DPP10: variants seen among roughly 807,000 people sequenced by gnomAD.
DPP10 encodes the protein inactive dipeptidyl peptidase 10.
In DPP10, 33 loss-of-function variants were observed where a neutral mutation model predicts 120.9. The observed-to-expected ratio is 0.27, with a 90% CI of 0.21 to 0.37. The LOEUF is 0.37. DPP10 is among the 10% of genes least tolerant of loss of function. The probability of loss-of-function intolerance (pLI) is 1.00; values close to 1 mark genes in which losing one functional copy is unlikely to be tolerated. For synonymous variants in DPP10, 337 were observed against 326.1 expected (o/e 1.03, Z -0.36); for missense variants, 816 against 942.8 (o/e 0.87, Z 1.76).
intron 7 of DPP10, among the ~76,000 whole-genome samples, chr2:115,708,670 A>G (rs1314592438): frequency 6.6e-6 from 1 of 152,014 alleles, no homozygotes; most frequent in East Asian, 1.9e-4. Flanking sequence ...AACCAATTTT[A>G]TATCTCTAAC....
rs148129125 is a variant in DPP10 at position 115,668,368 on chromosome 2, T to C, written c.442-21319T>C. Reference sequence around the variant, plus strand: ...AGAAAGTGTGCTCTTGATAAAAGCATGAATTTGGCTTCACTTTTCTCTCTG... The same window carrying C: ...AGAAAGTGTGCTCTTGATAAAAGCACGAATTTGGCTTCACTTTTCTCTCTG... On this transcript the variant is annotated intron_variant, in intron 5 of 25. Coordinates refer to ENST00000410059, the MANE Select transcript of DPP10 (RefSeq NM_020868.6). Among the ~76,000 whole-genome samples, 825 of 152,238 alleles carry C rather than the reference T, an allele frequency of 5.4e-3. 8 individuals carry two copies. Among genetic ancestry groups the C allele is most frequent in the African/African-American group, 0.018 (762 of 41,548 alleles).
intron 3 of DPP10, among the ~76,000 whole-genome samples, chr2:115,486,441 G>A (rs559612827): frequency 6.6e-6 from 1 of 152,138 alleles, no homozygotes; most frequent in South Asian, 2.1e-4. Flanking sequence ...TTTTCTGCAT[G>A]TATCACTGCA....
chr2:115,708,973 C>A (rs1238306727), intron 7 of DPP10, among the ~76,000 whole-genome samples: 1 of 152,042 alleles, frequency 6.6e-6, no homozygotes, highest in Non-Finnish European at 1.5e-5. Context: ...TATAGAAGAG[C>A]AATTGCTCAC....
intron 1 of DPP10, among the ~76,000 whole-genome samples, chr2:114,866,151 ACT>A (rs1285244119): frequency 2.0e-5 from 3 of 151,180 alleles, no homozygotes; most frequent in Non-Finnish European, 2.9e-5. Flanking sequence ...AAATAAATAA[ACT>A]TATATGCTTG....
intron 1 of DPP10, among the ~76,000 whole-genome samples, chr2:114,583,563 G>T (rs754649057): frequency 1.3e-5 from 2 of 152,188 alleles, no homozygotes; most frequent in South Asian, 2.1e-4. Context: ...AGATGAGTCT[G>T]CCTCTTTCTA....
intron 1 of DPP10, among the ~76,000 whole-genome samples, chr2:115,021,882 C>T (rs2105180644): frequency 6.6e-6 from 1 of 152,048 alleles, no homozygotes; most frequent in South Asian, 2.1e-4. Context: ...ATGTGATACA[C>T]TACATAAATA....
At chr2:115,548,390 G>A (rs1477915458) in intron 5 of DPP10, among the ~76,000 whole-genome samples, 1 of 151,298 alleles carries the variant, frequency 6.6e-6, no homozygotes, top group Non-Finnish European at 1.5e-5. Context: ...CTGGCATTAT[G>A]CTAAAAATAC....
chr2:115,461,246 G>A (rs1553418901), intron 3 of DPP10, among the ~76,000 whole-genome samples: 1 of 151,914 alleles, frequency 6.6e-6, no homozygotes, highest in Non-Finnish European at 1.5e-5. Flanking sequence ...GACTAAAAGG[G>A]CATTCTTTGG....
At chr2:114,689,519 T>C (rs193105819) in intron 1 of DPP10, among the ~76,000 whole-genome samples, 1 of 152,222 alleles carries the variant, frequency 6.6e-6, no homozygotes, top group Non-Finnish European at 1.5e-5. Context: ...GTCTTTGATA[T>C]TGTGAATAGT....
intron 21 of DPP10, among the ~76,000 whole-genome samples, chr2:115,817,949 C>T (rs1313678671): frequency 6.6e-6 from 1 of 151,648 alleles, no homozygotes; most frequent in East Asian, 1.9e-4. Context: ...AAAAGGGAAG[C>T]TGGTTTTTAA....
At chr2:114,570,856 A>G (rs943862118) in intron 1 of DPP10, among the ~76,000 whole-genome samples, 3 of 151,072 alleles carry the variant, frequency 2.0e-5, no homozygotes, top group Non-Finnish European at 3.0e-5. Context: ...AAAAAAAAAA[A>G]AAAAGAAAAG....
intron 1 of DPP10, among the ~76,000 whole-genome samples, chr2:114,541,782 C>T (rs536084859): frequency 6.6e-6 from 1 of 151,896 alleles, no homozygotes; most frequent in African/African-American, 2.4e-5. Context: ...CATGCTTATG[C>T]CATATGTTGA....
intron 5 of DPP10, among the ~76,000 whole-genome samples, chr2:115,624,602 C>G (rs2085217657): frequency 6.6e-6 from 1 of 152,074 alleles, no homozygotes; most frequent in Non-Finnish European, 1.5e-5. Context: ...AATAACTGCC[C>G]CACTCTGTAA....
chr2:115,309,251 A>G lies in DPP10; in HGVS notation c.73A>G (p.Asn25Asp), dbSNP rs1487874207. 6.2e-7 allele frequency: 1 copy of G among 1,613,100 alleles called. No individual in the cohort carries two copies. The highest frequency in any genetic ancestry group is 8.5e-7 in the Non-Finnish European group (1 of 1,179,434). ...PSKTIKELGSNSPPQRNWKGI... is the reference protein window; with the variant it reads ...PSKTIKELGSDSPPQRNWKGI... ...TCTATCTCGGTAGGAACTGGGAAGT[A>G]ACAGCCCTCCACAGAGAAACTGGAA... The change falls in exon 2 of 26, where the codon AAC becomes GAC. Residue 25 changes from asparagine to aspartate, a missense_variant. This residue lies in a region of DPP10 where 182 missense variants were observed against 207.4 expected (regional missense o/e 0.88). Transcript: ENST00000410059.
intron 1 of DPP10, among the ~76,000 whole-genome samples, chr2:114,940,218 A>G (rs1375467809): frequency 6.6e-6 from 1 of 152,284 alleles, no homozygotes; most frequent in African/African-American, 2.4e-5. Flanking sequence ...TCCTGGATCA[A>G]GCCTATAACT....
At chr2:115,836,832 T>A in intron 24 of DPP10, 86 bp downstream of exon 24, 1 of 1,258,838 alleles carries the variant, frequency 7.9e-7, no homozygotes, top group Non-Finnish European at 1.1e-6. Context: ...CAGGAAGCCC[T>A]GTAAACCTTC....
At chr2:114,592,345 G>C (rs541773130) in intron 1 of DPP10, among the ~76,000 whole-genome samples, 6 of 152,268 alleles carry the variant, frequency 3.9e-5, no homozygotes, top group African/African-American at 1.4e-4. Flanking sequence ...TTTTTATAAA[G>C]AGATATGGCA....
chr2:115,778,137 G>A (rs570796688), intron 15 of DPP10, among the ~76,000 whole-genome samples: 4 of 151,966 alleles, frequency 2.6e-5, no homozygotes, highest in South Asian at 4.1e-4. Flanking sequence ...AGAGATTTAC[G>A]TATTTTCCCT....
Position 115,842,230 on chromosome 2 carries a change from A to T in DPP10, c.2276A>T (p.His759Leu). The stretch of plus-strand genomic sequence containing the variant: ...TCTTAGGTCTACCCAGATGAAGGTC[A>T]TAACGTATCTGAGAAGAGCAAGTAT... ...YTMQVYPDEGHNVSEKSKYHL... is the reference protein window; with the variant it reads ...YTMQVYPDEGLNVSEKSKYHL... The change falls in exon 26 of 26, where the codon CAT becomes CTT. Residue 759 changes from histidine to leucine, a missense_variant. Physicochemically the swap from His to Leu is moderately conservative, Grantham distance 99. Around this residue, in one of 3 missense-constraint regions of DPP10, gnomAD observed 592 missense variants for 649.0 expected, o/e 0.91. Coordinates refer to ENST00000410059, the MANE Select transcript of DPP10 (RefSeq NM_020868.6). The T allele has an allele frequency of 6.2e-7, 1 of 1,613,252 alleles. No individual in the cohort carries two copies. The highest frequency in any genetic ancestry group is 8.5e-7 in the Non-Finnish European group (1 of 1,179,338).
Sources: allele counts gnomAD v4.1 joint callset (sites outside exome capture counted in the v4.1 genomes callset), GRCh38; gene constraint gnomAD v4.1.1; regional missense constraint gnomAD v4.1.1; transcripts MANE v1.5; gene names NCBI Gene and HGNC (gene_info 2026-07-23, HGNC 2026-07-21).